PINLYP: variants seen among roughly 807,000 people sequenced by gnomAD.
The protein encoded by PINLYP is phospholipase A2 inhibitor and Ly6/PLAUR domain-containing protein.
In PINLYP, 12 loss-of-function variants were observed where a neutral mutation model predicts 15.8. The observed-to-expected ratio is 0.76, with a 90% CI of 0.49 to 1.23. PINLYP has a LOEUF of 1.23. PINLYP is among the 50% of genes most tolerant of loss of function. PINLYP has a pLI of 0.00. For synonymous variants in PINLYP, 93 were observed against 97.7 expected, an observed-to-expected ratio of 0.95 and a Z score of 0.28; for missense variants, 278 against 264.2, an observed-to-expected ratio of 1.05 and a Z score of -0.36.
Position 43,577,154 on chromosome 19 carries a change from A to AT in PINLYP, c.-37dup. The AT allele has an allele frequency of 1.3e-6, 2 of 1,535,962 alleles. No homozygotes were observed. On this transcript the variant is annotated 5_prime_UTR_variant, in exon 2 of 6. It introduces an in-frame stop codon into an upstream open reading frame of the 5' UTR. Transcript: ENST00000599207. ...CAGACCCACCCCTCCTCAGCTTCCT[A>AT]TAAAAGCTGGGGACCAGGTACTGCT... is the stretch of plus-strand genomic sequence containing the variant.
intron 3 of PINLYP, among the ~76,000 whole-genome samples, chr19:43,580,000 C>T (rs554434050): frequency 6.6e-6 from 1 of 152,060 alleles, no homozygotes; most frequent in South Asian, 2.1e-4. Flanking sequence ...ATGGAAGAGA[C>T]CAGTGGGGGA....
rs1048727153 is a variant in PINLYP, at chr19:43,576,575, C to T, written c.-422C>T. Among the ~76,000 whole-genome samples the T allele has an allele frequency of 3.3e-5, 5 of 152,344 alleles. No homozygotes were observed. In the East Asian group the frequency reaches 7.7e-4, roughly 23 times the overall value. On this transcript the variant is annotated 5_prime_UTR_variant, in exon 1 of 6. Coordinates refer to ENST00000599207, the Ensembl canonical transcript of PINLYP. Reference sequence around the variant, plus strand: ...GGCATCTGTCTTTTACTACGCCCGCCTATGACTGCCGACAGACATCCCTCT... The same window carrying T: ...GGCATCTGTCTTTTACTACGCCCGCTTATGACTGCCGACAGACATCCCTCT...
chr19:43,577,532 A>T (rs910925207), intron 2 of PINLYP, among the ~76,000 whole-genome samples: 8 of 151,900 alleles, frequency 5.3e-5, no homozygotes, highest in African/African-American at 1.9e-4. Flanking sequence ...AGGATCCCAA[A>T]CACATCTCAA....
chr19:43,576,214 G>A (rs2146078375), exon 1 of PINLYP, among the ~76,000 whole-genome samples: 1 of 152,218 alleles, frequency 6.6e-6, no homozygotes, highest in South Asian at 2.1e-4. Flanking sequence ...CGACTGCGCT[G>A]GGCTAGGACA....
At chr19:43,579,026 T>G in intron 3 of PINLYP, 3 of 271,808 alleles carry the variant, frequency 1.1e-5, no homozygotes, top group Non-Finnish European at 2.2e-5. Context: ...AGAGAAATAG[T>G]GAGAGGGGAA....
chr19:43,581,116 G>T (rs1488598740), intron 3 of PINLYP, 96 bp from the exon 4 acceptor site: 2 of 1,297,316 alleles, frequency 1.5e-6, no homozygotes, highest in East Asian at 2.6e-5. Context: ...GAAGTTGTGG[G>T]GTTGGGGAGG....
exon 1 of PINLYP, among the ~76,000 whole-genome samples, chr19:43,576,592 C>A (rs1286932922): frequency 6.6e-6 from 1 of 152,310 alleles, no homozygotes; most frequent in African/African-American, 2.4e-5. Flanking sequence ...TGCCGACAGA[C>A]ATCCCTCTGT....
intron 3 of PINLYP, among the ~76,000 whole-genome samples, chr19:43,579,435 C>T (rs957801103): frequency 1.1e-4 from 16 of 151,272 alleles, no homozygotes; most frequent in African/African-American, 1.5e-4. Context: ...TTAGTAGAGA[C>T]GGGGTTTCGC....
At chr19:43,578,784 G>T (rs1382416231) in intron 3 of PINLYP, 78 bp downstream of exon 3, 2 of 1,084,768 alleles carry the variant, frequency 1.8e-6, no homozygotes, top group Non-Finnish European at 2.7e-6. Flanking sequence ...TGCTGAGGGG[G>T]GATCATCATG....
chr19:43,581,443 G>C, intron 4 of PINLYP, 79 bp downstream of exon 4: 2 of 1,520,302 alleles, frequency 1.3e-6, no homozygotes, highest in Non-Finnish European at 1.8e-6. Context: ...CTCTGAGCCT[G>C]TTTCCTTACC....
At position 43,581,207 on chromosome 19, in the gene PINLYP, C is replaced by T; in HGVS notation, c.188-5C>T. 6.5e-7 allele frequency: 1 copy of T among 1,536,620 alleles called. No individual in the cohort carries two copies. Among genetic ancestry groups the T allele is most frequent in the Non-Finnish European group, 8.7e-7 (1 of 1,146,808 alleles). ...GCACTGTCCCTGCCTGTCCCCATCCCACAGAGGGCAAGGAGTTGGTGCACA... is the reference window on the plus strand; with the variant it reads ...GCACTGTCCCTGCCTGTCCCCATCCTACAGAGGGCAAGGAGTTGGTGCACA... On this transcript the variant is annotated splice_polypyrimidine_tract_variant and splice_region_variant and intron_variant, in intron 3 of 5. Transcript: ENST00000599207.
At chr19:43,575,702 C>G, upstream of PINLYP, 1 of 396,250 alleles carries the variant, frequency 2.5e-6, no homozygotes, top group East Asian at 3.9e-5. Flanking sequence ...CCAGCCCCGC[C>G]TCCCTCCGCC....
chr19:43,575,512 G>C (rs753641612), upstream of PINLYP: 3 of 1,575,544 alleles, frequency 1.9e-6, no homozygotes, highest in African/African-American at 2.7e-5. Context: ...TATGGGGTCC[G>C]AGGGGCAGGG....
chr19:43,578,925 ACT>A (rs1972898337), intron 3 of PINLYP: 1 of 488,948 alleles, frequency 2.0e-6, no homozygotes, highest in Admixed American at 3.1e-5. Flanking sequence ...TGAAAATGAC[ACT>A]GTCCTAAAGA....
chr19:43,579,369 C>A (rs770057584), intron 3 of PINLYP, among the ~76,000 whole-genome samples: 1 of 151,938 alleles, frequency 6.6e-6, no homozygotes, highest in Non-Finnish European at 1.5e-5. Flanking sequence ...CCTCAGCCTC[C>A]CGAGTAGCTG....
exon 2 of PINLYP, chr19:43,577,136 A>G (rs2682585): frequency 0.79 from 1,213,932 of 1,535,394 alleles, 481,132 homozygotes; most frequent in East Asian, 0.89. Context: ...GTCCAGACCC[A>G]CCCCTCCTCA....
Position 43,576,911 on chromosome 19 carries a change from C to CGGCA in PINLYP, c.-85_-84insGCAG. ...AGCAAACAAACAAACAACAATGGGCCGTGGGAAGGTGAGAAAACAGGGTGG... is the reference window on the plus strand; with the variant it reads ...AGCAAACAAACAAACAACAATGGGCCGGCAGTGGGAAGGTGAGAAAACAGGGTGG... On this transcript the variant is annotated 5_prime_UTR_variant, in exon 1 of 6. The change abolishes the stop of an existing upstream ORF in the 5' untranslated region. Coordinates refer to ENST00000599207, the Ensembl canonical transcript of PINLYP. 2.1e-6 allele frequency: 1 copy of CGGCA among 476,922 alleles called. No individual in the cohort carries two copies. 29.5% of individuals were successfully genotyped at this position (476,922 alleles called of 1,614,324 possible). A position where few individuals can be genotyped will look rare whatever the true frequency, so the allele number is the denominator to read the frequency against.
exon 2 of PINLYP, chr19:43,577,137 C>T: frequency 6.5e-7 from 1 of 1,535,658 alleles, no homozygotes; most frequent in Non-Finnish European, 8.7e-7. Flanking sequence ...TCCAGACCCA[C>T]CCCTCCTCAG....
At chr19:43,581,156 G>A in intron 3 of PINLYP, 56 bp from the exon 4 acceptor site, 1 of 1,516,668 alleles carries the variant, frequency 6.6e-7, no homozygotes, top group Non-Finnish European at 8.8e-7. Context: ...TTGAGGCAGG[G>A]GTTGAAGCCA....
Sources: allele counts gnomAD v4.1 joint callset (sites outside exome capture counted in the v4.1 genomes callset), GRCh38; gene constraint gnomAD v4.1.1; transcripts MANE v1.5; gene names NCBI Gene and HGNC (gene_info 2026-07-23, HGNC 2026-07-21).